Variants in BCAT1 observed in about 807,000 individuals in gnomAD.
BCAT1 encodes the protein branched-chain-amino-acid aminotransferase, cytosolic.
In BCAT1, 48 loss-of-function variants were observed where a neutral mutation model predicts 52.4. The ratio of observed to expected loss-of-function variants is 0.92; its 90% CI spans 0.73 to 1.16. The LOEUF (loss-of-function observed/expected upper bound fraction) is 1.16, where lower values mean the gene tolerates loss of function less well. Among genes scored for constraint, BCAT1 ranks in the 50% most tolerant of loss-of-function variants. The pLI, the probability that BCAT1 is intolerant of heterozygous loss-of-function variation, is 0.00. For synonymous variants in BCAT1, 167 were observed against 161.3 expected (o/e 1.04, Z -0.27); for missense variants, 451 against 457.1 (o/e 0.99, Z 0.12).
At position 24,816,825 on chromosome 12, in the gene BCAT1, G is replaced by A. The variant is rs1939892747; in HGVS notation, c.*1183C>T. On this transcript the variant is annotated 3_prime_UTR_variant, in exon 11 of 11. Transcript: ENST00000261192. ...ATCAAGCATTAGATTCTCATAAGGA[G>A]CGCATAGCCTAGATCCCTTGCATGC... 1 of 360,316 alleles carries A rather than the reference G, an allele frequency of 2.8e-6. No individual in the cohort carries two copies. The highest frequency in any genetic ancestry group is 1.5e-4 in the South Asian group (1 of 6,626). 22.3% of individuals were successfully genotyped at this position (360,316 alleles called of 1,614,324 possible). A position where few individuals can be genotyped will look rare whatever the true frequency, so the allele number is the denominator to read the frequency against.
At chr12:24,878,402 C>G (rs1270867124) in intron 5 of BCAT1, 128 bp downstream of exon 5, 2 of 841,368 alleles carry the variant, frequency 2.4e-6, no homozygotes, top group African/African-American at 3.5e-5. Flanking sequence ...TCTTGACAAT[C>G]AGAAGGAAGA....
Position 24,881,390 on chromosome 12 carries a change from A to G in BCAT1, c.301T>C (p.Phe101Leu), listed in dbSNP as rs1243658300. The change falls in exon 4 of 11, where the codon TTT becomes CTT. Residue 101 changes from phenylalanine (F) to leucine (L), a missense_variant. Coordinates refer to ENST00000261192, the MANE Select transcript of BCAT1 (RefSeq NM_005504.7). Reference sequence around the variant, plus strand: ...CGAATTTTATTATCTACTCCTCGAAATGCCTTCAATCCTTCAAATAACTGG... The same window carrying G: ...CGAATTTTATTATCTACTCCTCGAAGTGCCTTCAATCCTTCAAATAACTGG... ...AVELFEGLKA[F>L]RGVDNKIRLF... The G allele has an allele frequency of 6.2e-7, 1 of 1,611,300 alleles. No homozygotes were observed. Among genetic ancestry groups the G allele is most frequent in the Non-Finnish European group, 8.5e-7 (1 of 1,177,522 alleles).
In BCAT1 at chr12:24,832,760, A is replaced by G; in HGVS notation, c.1007T>C (p.Val336Ala). The G allele has an allele frequency of 6.2e-7, 1 of 1,611,416 alleles. No homozygotes were observed. Among genetic ancestry groups the G allele is most frequent in the Non-Finnish European group, 8.5e-7 (1 of 1,178,696 alleles). ...CAGTATATCAGAAACTGGGCAAACA[A>G]CACAGGCTGTACCAGAGCCAAACAT... is the stretch of plus-strand genomic sequence containing the variant. The part of the protein sequence containing the change: ...REMFGSGTAC[V>A]VCPVSDILYK... The change falls in exon 9 of 11, where the codon GTT becomes GCT. Residue 336 changes from valine to alanine, a missense_variant. Coordinates refer to ENST00000261192, the MANE Select transcript of BCAT1 (RefSeq NM_005504.7).
chr12:24,880,539 A>C (rs1442677336), intron 4 of BCAT1, among the ~76,000 whole-genome samples: 1 of 152,176 alleles, frequency 6.6e-6, no homozygotes, highest in Non-Finnish European at 1.5e-5. Flanking sequence ...GCCATGAGAA[A>C]CCATTTTGAT....
At position 24,815,037 on chromosome 12, in the gene BCAT1, T is replaced by G. The variant is rs913573027; in HGVS notation, c.*2971A>C. The G allele has an allele frequency of 6.6e-6, 1 of 152,172 alleles. No homozygotes were observed. The highest frequency in any genetic ancestry group is 1.5e-5 in the Non-Finnish European group (1 of 68,006). 9.4% of individuals were successfully genotyped at this position (152,172 alleles called of 1,614,324 possible). On this transcript the variant is annotated 3_prime_UTR_variant, in exon 11 of 11. Coordinates refer to ENST00000261192, the MANE Select transcript of BCAT1 (RefSeq NM_005504.7). Reference sequence around the variant, plus strand: ...TGGAACACATCTCTGAAGTCAACTCTTCTTTTGGTGTATCACGAGTTGAAT... The same window carrying G: ...TGGAACACATCTCTGAAGTCAACTCGTCTTTTGGTGTATCACGAGTTGAAT...
intron 1 of BCAT1, among the ~76,000 whole-genome samples, chr12:24,947,070 G>A (rs1473431840): frequency 6.6e-6 from 1 of 151,346 alleles, no homozygotes; most frequent in Non-Finnish European, 1.5e-5. Context: ...TGTTAGGCCA[G>A]CTTAACTAGC....
At chr12:24,906,518 C>T (rs542861085) in intron 1 of BCAT1, among the ~76,000 whole-genome samples, 3 of 152,270 alleles carry the variant, frequency 2.0e-5, no homozygotes, top group Admixed American at 2.0e-4. Flanking sequence ...GTTTTCTCCG[C>T]TGTAAAATGA....
Position 24,836,971 on chromosome 12 carries a change from AAG to A in BCAT1, c.818-377_818-376del, listed in dbSNP as rs772552600. Among the ~76,000 whole-genome samples the A allele has an allele frequency of 4.6e-4, 63 of 137,228 alleles. 3 individuals are homozygous for A. The highest frequency in any genetic ancestry group is 2.8e-3 in the Admixed American group (39 of 14,018). 90.0% of individuals were successfully genotyped at this position (137,228 alleles called of 152,430 possible). On this transcript the variant is annotated intron_variant, in intron 7 of 10. Coordinates refer to ENST00000261192, the MANE Select transcript of BCAT1 (RefSeq NM_005504.7). ...GAAAGAAAGAAAAGAGAAAGAAAGA[AAG>A]AGAGAGAGGGAGGGAGGGAGGAAGG...
At chr12:24,887,867 T>G (rs1942729216) in intron 3 of BCAT1, among the ~76,000 whole-genome samples, 1 of 152,208 alleles carries the variant, frequency 6.6e-6, no homozygotes, top group Non-Finnish European at 1.5e-5. Context: ...TTTGAAACTT[T>G]CAGATATTAA....
chr12:24,859,318 C>A (rs1004776368), intron 5 of BCAT1, among the ~76,000 whole-genome samples: 1 of 152,134 alleles, frequency 6.6e-6, no homozygotes, highest in African/African-American at 2.4e-5. Flanking sequence ...TTCCCTCTAT[C>A]AATGAGTAAA....
intron 7 of BCAT1, among the ~76,000 whole-genome samples, chr12:24,837,744 T>C (rs1285426326): frequency 6.6e-6 from 1 of 152,084 alleles, no homozygotes; most frequent in Non-Finnish European, 1.5e-5. Context: ...CTATCTTTAG[T>C]GATTTTCAAA....
chr12:24,859,741 T>C (rs1011237147), intron 5 of BCAT1, among the ~76,000 whole-genome samples: 2 of 152,214 alleles, frequency 1.3e-5, no homozygotes, highest in Non-Finnish European at 1.5e-5. Context: ...TTTTAAATCT[T>C]TGATATTTGA....
rs1349960607 is a variant in BCAT1 at position 24,816,225 on chromosome 12, G to C, written c.*1783C>G. 9.4e-6 allele frequency: 3 copies of C among 320,070 alleles called. No individual in the cohort carries two copies. The highest frequency in any genetic ancestry group is 1.7e-5 in the Non-Finnish European group (3 of 177,758). 19.8% of individuals were successfully genotyped at this position (320,070 alleles called of 1,614,324 possible). A position where few individuals can be genotyped will look rare whatever the true frequency, so the allele number is the denominator to read the frequency against. ...AAAAGAATCAAAGCCCATTTTCTAT[G>C]TGTTGCTAAATGCCTCAAGGAAATT... On this transcript the variant is annotated 3_prime_UTR_variant, in exon 11 of 11. Coordinates refer to ENST00000261192, the MANE Select transcript of BCAT1 (RefSeq NM_005504.7).
At chr12:24,844,886 G>A (rs1216112757) in intron 6 of BCAT1, among the ~76,000 whole-genome samples, 2 of 47,514 alleles carry the variant, frequency 4.2e-5, no homozygotes, top group African/African-American at 1.4e-4. Flanking sequence ...GACAGAGTGA[G>A]ACTGTCTCAA....
chr12:24,902,025 A>C, intron 1 of BCAT1, 140 bp from the exon 2 acceptor site: 1 of 1,571,742 alleles, frequency 6.4e-7, no homozygotes, highest in Middle Eastern at 2.2e-4. Context: ...TCAGACAACC[A>C]AGCACCCAGG....
chr12:24,947,143 C>T (rs1943943294), intron 1 of BCAT1, among the ~76,000 whole-genome samples: 1 of 149,652 alleles, frequency 6.7e-6, no homozygotes, highest in Non-Finnish European at 1.5e-5. Context: ...AACCTCTCTC[C>T]CCACTAGGCC....
intron 1 of BCAT1, among the ~76,000 whole-genome samples, chr12:24,929,433 T>C (rs1943646317): frequency 1.3e-5 from 2 of 152,260 alleles, no homozygotes. Context: ...GATATGCTTA[T>C]TTGATGTATT....
intron 5 of BCAT1, among the ~76,000 whole-genome samples, chr12:24,850,940 T>C (rs1338965496): frequency 1.3e-5 from 2 of 152,186 alleles, no homozygotes; most frequent in African/African-American, 2.4e-5. Context: ...GAATGACTTA[T>C]AAATAACAAA....
At chr12:24,899,203 C>T (rs1943030991) in intron 2 of BCAT1, among the ~76,000 whole-genome samples, 2 of 152,134 alleles carry the variant, frequency 1.3e-5, no homozygotes, top group African/African-American at 4.8e-5. Context: ...AAAACTGCAT[C>T]CTCATGTAAT....
Sources: gnomAD v4.1 joint callset for allele counts (sites outside exome capture counted in the v4.1 genomes callset) on GRCh38, gnomAD v4.1.1 for gene constraint, MANE v1.5 for transcripts, NCBI Gene and HGNC (gene_info 2026-07-23, HGNC 2026-07-21) for gene names.